Variants in CDK17 observed in about 807,000 individuals in gnomAD.
CDK17 encodes cyclin-dependent kinase 17.
CDK17 carries 24 observed loss-of-function variants against 77.6 expected under a neutral mutation model. That is an observed-to-expected ratio of 0.31 (90% CI 0.22 to 0.44). The LOEUF is 0.44. Ranked by LOEUF, CDK17 falls within the 20% of genes least tolerant of loss-of-function variation. CDK17 has a pLI of 1.00. For synonymous variants in CDK17, 203 were observed against 210.4 expected, an observed-to-expected ratio of 0.96 and a Z score of 0.30; for missense variants, 429 against 622.5, an observed-to-expected ratio of 0.69 and a Z score of 3.31.
At chr12:96,373,777 G>C (rs1040763773) in intron 1 of CDK17, among the ~76,000 whole-genome samples, 3 of 152,012 alleles carry the variant, frequency 2.0e-5, no homozygotes, top group African/African-American at 7.2e-5. Context: ...AAAATTAGCT[G>C]GGCGTGGTGG....
chr12:96,308,817 T>G (rs1952611726), intron 5 of CDK17, among the ~76,000 whole-genome samples: 1 of 151,372 alleles, frequency 6.6e-6, no homozygotes. Flanking sequence ...TCATCATCAA[T>G]TTCTCTTCCT....
chr12:96,288,246 A>G (rs1182998046), intron 11 of CDK17, among the ~76,000 whole-genome samples: 5 of 152,234 alleles, frequency 3.3e-5, no homozygotes, highest in African/African-American at 9.6e-5. Flanking sequence ...TTTTACATAA[A>G]CTGTTCAAGA....
intron 1 of CDK17, among the ~76,000 whole-genome samples, chr12:96,350,426 T>C (rs929308937): frequency 6.6e-6 from 1 of 150,984 alleles, no homozygotes; most frequent in Non-Finnish European, 1.5e-5. Flanking sequence ...AGTTTTGAAC[T>C]AGAAGAACAA....
chr12:96,309,384 T>C (rs1952618356), intron 5 of CDK17, among the ~76,000 whole-genome samples: 1 of 152,236 alleles, frequency 6.6e-6, no homozygotes, highest in Admixed American at 6.5e-5. Flanking sequence ...ACTTGCTGCC[T>C]CTTTTGTTGT....
chr12:96,320,362 CG>C (rs1380922610), intron 3 of CDK17, among the ~76,000 whole-genome samples: 12 of 146,276 alleles, frequency 8.2e-5, no homozygotes, highest in African/African-American at 3.0e-4. Context: ...GAATCAATAT[CG>C]TGAAAATGGC....
At position 96,400,431 on chromosome 12, in the gene CDK17, C is replaced by A; in HGVS notation, c.-475G>T. 1 of 381,584 alleles carries A rather than the reference C, an allele frequency of 2.6e-6. No individual in the cohort carries two copies. The highest frequency in any genetic ancestry group is 4.6e-6 in the Non-Finnish European group (1 of 215,646). The allele number at this position is 381,584 out of a possible 1,614,324, so 23.6% of individuals were successfully genotyped here. A position where few individuals can be genotyped will look rare whatever the true frequency, so the allele number is the denominator to read the frequency against. ...TGTGCGTCGCTTTCACACTCGGCGG[C>A]TGCGGATTGACGCCTCCGCCTGTTC... On this transcript the variant is annotated 5_prime_UTR_variant, in exon 1 of 17. Transcript: ENST00000261211.
chr12:96,295,264 C>G (rs1456527390), intron 9 of CDK17, 142 bp from the exon 10 acceptor site: 1 of 533,348 alleles, frequency 1.9e-6, no homozygotes, highest in Non-Finnish European at 3.2e-6. Flanking sequence ...AGTACAATGT[C>G]TTTTTCCTTT....
At chr12:96,343,810 C>T (rs1953158634) in intron 1 of CDK17, among the ~76,000 whole-genome samples, 1 of 152,088 alleles carries the variant, frequency 6.6e-6, no homozygotes, top group South Asian at 2.1e-4. Flanking sequence ...CAACAAATAA[C>T]CACAAAGCAC....
intron 10 of CDK17, among the ~76,000 whole-genome samples, chr12:96,291,122 C>CAAA (rs34053593): frequency 1.4e-4 from 18 of 131,760 alleles, no homozygotes; most frequent in Admixed American, 2.3e-4. Flanking sequence ...ACTATGCAAC[C>CAAA]AAAAAAAAAA....
intron 3 of CDK17, among the ~76,000 whole-genome samples, chr12:96,319,863 G>A (rs1363699532): frequency 1.4e-5 from 2 of 142,656 alleles, no homozygotes; most frequent in Non-Finnish European, 3.0e-5. Flanking sequence ...GGCAAAAACT[G>A]GAAGCATTCC....
chr12:96,362,745 T>C (rs1158102493), intron 1 of CDK17, among the ~76,000 whole-genome samples: 3 of 152,104 alleles, frequency 2.0e-5, no homozygotes, highest in Non-Finnish European at 2.9e-5. Context: ...CCACATACAA[T>C]TTTTTTATTT....
intron 2 of CDK17, among the ~76,000 whole-genome samples, chr12:96,325,346 C>G (rs530957035): frequency 6.6e-6 from 1 of 152,230 alleles, no homozygotes; most frequent in Non-Finnish European, 1.5e-5. Context: ...AACAATCAGG[C>G]ATAAGGATAC....
At chr12:96,317,891 T>C (rs941538010) in intron 3 of CDK17, among the ~76,000 whole-genome samples, 2 of 147,750 alleles carry the variant, frequency 1.4e-5, no homozygotes, top group African/African-American at 4.9e-5. Context: ...CTGCATCAAC[T>C]AATGAGCAAA....
chr12:96,282,389 A>C, intron 15 of CDK17, 120 bp downstream of exon 15: 1 of 628,264 alleles, frequency 1.6e-6, no homozygotes, highest in Non-Finnish European at 2.8e-6. Flanking sequence ...TTCTAATCTA[A>C]CTATAGAGAA....
Position 96,387,073 on chromosome 12 carries a change from G to C in CDK17, c.-30+12913C>G, listed in dbSNP as rs547617038. The C allele has an allele frequency of 4.7e-5, 16 of 339,114 alleles. No individual in the cohort carries two copies. The East Asian group carries it at 1.5e-3, about 31-fold the overall frequency. The allele number at this position is 339,114 out of a possible 1,614,324, so 21.0% of individuals were successfully genotyped here. A position where few individuals can be genotyped will look rare whatever the true frequency, so the allele number is the denominator to read the frequency against. Reference sequence around the variant, plus strand: ...TCTCTGTCTTCAGGGTCATTTTCACGCTTTAAGATGTGTATCACGGTGACA... The same window carrying C: ...TCTCTGTCTTCAGGGTCATTTTCACCCTTTAAGATGTGTATCACGGTGACA... On this transcript the variant is annotated intron_variant, in intron 1 of 16. Coordinates refer to ENST00000261211, the MANE Select transcript of CDK17 (RefSeq NM_002595.5).
intron 1 of CDK17, among the ~76,000 whole-genome samples, chr12:96,349,424 G>A (rs1020378229): frequency 6.6e-6 from 1 of 151,450 alleles, no homozygotes; most frequent in African/African-American, 2.4e-5. Flanking sequence ...TTGCACTCCA[G>A]TCTGGGCAAC....
At chr12:96,286,834 G>C in intron 11 of CDK17, 73 bp from the exon 12 acceptor site, 1 of 1,303,284 alleles carries the variant, frequency 7.7e-7, no homozygotes, top group Non-Finnish European at 1.1e-6. Context: ...TTTTCCTTAA[G>C]GTTGCCTCTC....
chr12:96,286,579 T>A, intron 12 of CDK17, 85 bp downstream of exon 12: 1 of 910,720 alleles, frequency 1.1e-6, no homozygotes, highest in Non-Finnish European at 1.7e-6. Flanking sequence ...GTATCTAATT[T>A]TAAAATATGT....
At chr12:96,315,339 T>A (rs1952696221) in intron 3 of CDK17, among the ~76,000 whole-genome samples, 1 of 152,230 alleles carries the variant, frequency 6.6e-6, no homozygotes, top group Non-Finnish European at 1.5e-5. Flanking sequence ...AAAACTCCAA[T>A]TAATATTCAT....
Sources: allele counts gnomAD v4.1 joint callset (sites outside exome capture counted in the v4.1 genomes callset), GRCh38; gene constraint gnomAD v4.1.1; transcripts MANE v1.5; gene names NCBI Gene and HGNC (gene_info 2026-07-23, HGNC 2026-07-21).